CIT: variants seen among roughly 807,000 people sequenced by gnomAD.
The protein encoded by CIT is citron rho-interacting serine/threonine kinase, also known as citron Rho-interacting kinase.
A neutral mutation model predicts 272.7 loss-of-function variants in CIT; 79 were observed. The ratio of observed to expected loss-of-function variants is 0.29; its 90% CI spans 0.24 to 0.35. The LOEUF is 0.35. CIT is among the 10% of genes least tolerant of loss of function. The probability of loss-of-function intolerance (pLI) is 1.00; values close to 1 mark genes in which losing one functional copy is unlikely to be tolerated. For synonymous variants in CIT, 948 were observed against 995.6 expected, an observed-to-expected ratio of 0.95 and a Z score of 0.90; for missense variants, 1,909 against 2,618.3, an observed-to-expected ratio of 0.73 and a Z score of 5.91.
At chr12:119,715,614 T>G (rs759419786) in intron 32 of CIT, among the ~76,000 whole-genome samples, 1 of 152,142 alleles carries the variant, frequency 6.6e-6, no homozygotes, top group African/African-American at 2.4e-5. Flanking sequence ...AATTAGAATG[T>G]GATGAGGGTT....
intron 4 of CIT, among the ~76,000 whole-genome samples, chr12:119,853,842 C>G (rs553146475): frequency 6.6e-6 from 1 of 151,888 alleles, no homozygotes; most frequent in Admixed American, 6.6e-5. Flanking sequence ...ACCCCTGAAG[C>G]TTCCATTAAA....
intron 26 of CIT, among the ~76,000 whole-genome samples, chr12:119,733,000 C>T (rs1958549414): frequency 6.6e-6 from 1 of 152,136 alleles, no homozygotes; most frequent in African/African-American, 2.4e-5. Context: ...CCAATTTTGT[C>T]AGAAAGAAAA....
intron 4 of CIT, among the ~76,000 whole-genome samples, chr12:119,851,088 C>T (rs540656046): frequency 2.2e-4 from 34 of 152,222 alleles, no homozygotes; most frequent in African/African-American, 7.7e-4. Flanking sequence ...ATGGTTTTCC[C>T]TTTTTATTTT....
rs936052595 is a variant in CIT at position 119,738,564 on chromosome 12, A to G, written c.2959-3207T>C. 5.3e-5 allele frequency among the ~76,000 whole-genome samples: 8 copies of G among 151,196 alleles called. 1 individual carries two copies. Among genetic ancestry groups the G allele is most frequent in the Non-Finnish European group, 7.4e-5 (5 of 67,752 alleles). On this transcript the variant is annotated intron_variant, in intron 24 of 47. Coordinates refer to ENST00000392521, the MANE Select transcript of CIT (RefSeq NM_001206999.2). ...GTTTTTACAGATGAGAGGTCTTGGT[A>G]CAGTTCTAAGACAGAAGATATTAAA... is the stretch of plus-strand genomic sequence containing the variant.
Position 119,719,090 on chromosome 12 carries a change from G to C in CIT, c.3841-229C>G, listed in dbSNP as rs1957700372. On this transcript the variant is annotated intron_variant, in intron 30 of 47. Transcript: ENST00000392521. The stretch of plus-strand genomic sequence containing the variant: ...GGAAGTTTTCACCAAGAGGATTAAA[G>C]ATGCTTGAATGGCCACCACCTCTTC... The C allele has an allele frequency of 1.6e-5, 8 of 497,756 alleles. No homozygotes were observed. In the South Asian group the frequency reaches 1.8e-4, roughly 11 times the overall value. The allele number at this position is 497,756 out of a possible 1,614,324, so 30.8% of individuals were successfully genotyped here. A position where few individuals can be genotyped will look rare whatever the true frequency, so the allele number is the denominator to read the frequency against.
chr12:119,858,023 C>T (rs1347801078), intron 3 of CIT, among the ~76,000 whole-genome samples: 2 of 152,164 alleles, frequency 1.3e-5, no homozygotes, highest in African/African-American at 4.8e-5. Flanking sequence ...AGTGTTTGGT[C>T]AAGCATGCTT....
At chr12:119,815,318 G>A (rs1040296509) in intron 9 of CIT, among the ~76,000 whole-genome samples, 8 of 151,392 alleles carry the variant, frequency 5.3e-5, no homozygotes, top group African/African-American at 9.7e-5. Flanking sequence ...TGGCAGATTC[G>A]AAGGATAAGC....
intron 26 of CIT, among the ~76,000 whole-genome samples, chr12:119,731,400 C>T (rs370101146): frequency 1.4e-5 from 2 of 143,958 alleles, no homozygotes; most frequent in South Asian, 2.3e-4. Context: ...TGCTTGAACT[C>T]GGGAGGCAGA....
At chr12:119,730,454 C>T (rs760495833) in intron 27 of CIT, 41 bp downstream of exon 27, 15 of 1,540,062 alleles carry the variant, frequency 9.7e-6, no homozygotes, top group Middle Eastern at 1.8e-4. Flanking sequence ...AAGAAGGAAA[C>T]GAAAATGTTT....
chr12:119,849,414 G>T (rs775397617), intron 5 of CIT, among the ~76,000 whole-genome samples: 44 of 151,988 alleles, frequency 2.9e-4, no homozygotes, highest in Non-Finnish European at 5.4e-4. Context: ...GTGACAAAGC[G>T]AGACTCTGTC....
chr12:119,776,917 G>A (rs1415907154), intron 13 of CIT, 75 bp from the exon 14 acceptor site: 13 of 1,471,198 alleles, frequency 8.8e-6, no homozygotes, highest in Non-Finnish European at 1.1e-5. Context: ...GGATGGAAGA[G>A]TATTAACCAC....
rs114588037 is a variant in CIT at position 119,715,543 on chromosome 12, C to T, written c.4169-1209G>A. The stretch of plus-strand genomic sequence containing the variant: ...AAGAACATTAGTGGAAGGAGAATGG[C>T]GGGGGACTGATAATGTGTATGGAGT... On this transcript the variant is annotated intron_variant, in intron 32 of 47. Coordinates refer to ENST00000392521, the MANE Select transcript of CIT (RefSeq NM_001206999.2). 4.6e-3 allele frequency among the ~76,000 whole-genome samples: 687 copies of T among 148,036 alleles called. 5 individuals are homozygous for T. The highest frequency in any genetic ancestry group is 0.016 in the African/African-American group (650 of 39,694).
At chr12:119,830,367 T>G (rs1968525182) in intron 7 of CIT, among the ~76,000 whole-genome samples, 1 of 151,874 alleles carries the variant, frequency 6.6e-6, no homozygotes, top group Non-Finnish European at 1.5e-5. Context: ...AAGGGCAGTC[T>G]GAAGCACTAA....
At chr12:119,810,555 T>C (rs1344478033) in intron 9 of CIT, among the ~76,000 whole-genome samples, 1 of 151,584 alleles carries the variant, frequency 6.6e-6, no homozygotes, top group Non-Finnish European at 1.5e-5. Context: ...ATACAAAAAT[T>C]AGCCTGGAGT....
At chr12:119,796,469 T>A (rs954972759) in intron 10 of CIT, among the ~76,000 whole-genome samples, 1 of 152,162 alleles carries the variant, frequency 6.6e-6, no homozygotes, top group African/African-American at 2.4e-5. Context: ...GAATTTACGA[T>A]GACTCAGCTT....
intron 13 of CIT, among the ~76,000 whole-genome samples, chr12:119,777,902 C>T (rs182361290): frequency 5.9e-5 from 9 of 152,236 alleles, no homozygotes; most frequent in Non-Finnish European, 1.2e-4. Context: ...GTCATGTGCT[C>T]CTAACACAAA....
chr12:119,727,419 C>CAA (rs1958172406), intron 28 of CIT, among the ~76,000 whole-genome samples: 1 of 152,088 alleles, frequency 6.6e-6, no homozygotes, highest in Admixed American at 6.6e-5. Context: ...TGAAGGCATA[C>CAA]AAGTGGTATA....
intron 13 of CIT, 75 bp downstream of exon 13, chr12:119,782,443 T>G: frequency 6.4e-7 from 1 of 1,555,266 alleles, no homozygotes; most frequent in Non-Finnish European, 8.8e-7. Context: ...TATTTCTCTC[T>G]CAAACACGCC....
chr12:119,740,887 TC>T, intron 24 of CIT, among the ~76,000 whole-genome samples: 1 of 152,262 alleles, frequency 6.6e-6, no homozygotes, highest in Non-Finnish European at 1.5e-5. Flanking sequence ...GGCAGGCCCA[TC>T]CCGATCCACC....
Sources: gnomAD v4.1 joint callset for allele counts (sites outside exome capture counted in the v4.1 genomes callset) on GRCh38, gnomAD v4.1.1 for gene constraint, MANE v1.5 for transcripts, NCBI Gene and HGNC (gene_info 2026-07-23, HGNC 2026-07-21) for gene names.